CNTN5: variants seen among roughly 807,000 people sequenced by gnomAD.
CNTN5 encodes the protein contactin-5.
In CNTN5, 77 loss-of-function variants were observed where a neutral mutation model predicts 129.1. The observed-to-expected ratio is 0.60, with a 90% CI of 0.50 to 0.72. The LOEUF (loss-of-function observed/expected upper bound fraction) is 0.72, where lower values mean the gene tolerates loss of function less well. CNTN5 is among the 30% of genes least tolerant of loss of function. CNTN5 has a pLI of 0.00. For synonymous variants in CNTN5, 509 were observed against 465.6 expected, an observed-to-expected ratio of 1.09 and a Z score of -1.20; for missense variants, 1,478 against 1,328.8, an observed-to-expected ratio of 1.11 and a Z score of -1.75.
At chr11:99,513,471 A>C (rs1027018832) in intron 2 of CNTN5, among the ~76,000 whole-genome samples, 1 of 152,142 alleles carries the variant, frequency 6.6e-6, no homozygotes, top group Non-Finnish European at 1.5e-5. Flanking sequence ...TAGGACTTTC[A>C]TAGCTAGAGA....
chr11:99,963,478 C>A (rs552076147), intron 8 of CNTN5, among the ~76,000 whole-genome samples: 3 of 151,974 alleles, frequency 2.0e-5, no homozygotes, highest in Non-Finnish European at 4.4e-5. Context: ...AGATATGCAG[C>A]ATTATTTCTG....
Position 99,836,505 on chromosome 11 carries a change from G to A in CNTN5, c.278-8347G>A, listed in dbSNP as rs540458880. Among the ~76,000 whole-genome samples, 7 of 152,194 alleles carry A rather than the reference G, an allele frequency of 4.6e-5. No individual in the cohort carries two copies. The South Asian group carries it at 1.2e-3, about 27-fold the overall frequency. Reference sequence around the variant, plus strand: ...TTTTATGGCTGCACAGTATTCCATGGTGTATATGTGCCACATTTTCTTAAT... The same window carrying A: ...TTTTATGGCTGCACAGTATTCCATGATGTATATGTGCCACATTTTCTTAAT... On this transcript the variant is annotated intron_variant, in intron 4 of 24. Transcript: ENST00000524871.
At chr11:100,026,428 T>TTATA (rs1195432812) in intron 9 of CNTN5, among the ~76,000 whole-genome samples, 5 of 152,144 alleles carry the variant, frequency 3.3e-5, no homozygotes, top group Admixed American at 2.0e-4. Flanking sequence ...GATTGTATGG[T>TTATA]TATAGTATGT....
chr11:99,167,184 C>T (rs1022194473), intron 1 of CNTN5, among the ~76,000 whole-genome samples: 1 of 151,780 alleles, frequency 6.6e-6, no homozygotes, highest in Admixed American at 6.6e-5. Context: ...TTATCTCAAT[C>T]TTAACATTCG....
At chr11:100,097,694 C>A (rs1945056974) in intron 13 of CNTN5, among the ~76,000 whole-genome samples, 2 of 152,042 alleles carry the variant, frequency 1.3e-5, no homozygotes, top group Admixed American at 1.3e-4. Context: ...ATTTGGGAAT[C>A]ATTTCAAAAT....
intron 1 of CNTN5, among the ~76,000 whole-genome samples, chr11:99,196,441 C>G (rs1225760854): frequency 1.3e-5 from 2 of 151,824 alleles, no homozygotes; most frequent in African/African-American, 2.4e-5. Flanking sequence ...TTTTTCTCCT[C>G]ACATTTTTGT....
chr11:99,813,820 A>G (rs778024091), intron 3 of CNTN5, among the ~76,000 whole-genome samples: 1 of 152,192 alleles, frequency 6.6e-6, no homozygotes, highest in African/African-American at 2.4e-5. Context: ...AATAGGTTTA[A>G]TGTAGCAAAA....
chr11:99,743,610 G>A (rs1943953417), intron 3 of CNTN5, among the ~76,000 whole-genome samples: 1 of 152,136 alleles, frequency 6.6e-6, no homozygotes, highest in Admixed American at 6.5e-5. Flanking sequence ...ATACATAGCA[G>A]AGTCCATGAA....
At chr11:100,196,891 C>A (rs139453744) in intron 15 of CNTN5, among the ~76,000 whole-genome samples, 1 of 152,084 alleles carries the variant, frequency 6.6e-6, no homozygotes, top group East Asian at 1.9e-4. Context: ...TTTAGTTCTA[C>A]AAGCTAAATG....
intron 2 of CNTN5, among the ~76,000 whole-genome samples, chr11:99,550,865 A>G (rs1272576524): frequency 1.3e-5 from 2 of 152,166 alleles, no homozygotes; most frequent in Non-Finnish European, 2.9e-5. Flanking sequence ...TAAGTTGTCC[A>G]TGTTATTGTA....
chr11:100,243,555 G>A (rs574655115), intron 16 of CNTN5, among the ~76,000 whole-genome samples: 1 of 152,212 alleles, frequency 6.6e-6, no homozygotes, highest in Non-Finnish European at 1.5e-5. Flanking sequence ...TTTAATTTGT[G>A]TGGTCACCAG....
Position 99,845,140 on chromosome 11 carries a change from T to C in CNTN5, c.455T>C (p.Leu152Ser), listed in dbSNP as rs1209131859. 1.9e-6 allele frequency: 3 copies of C among 1,613,698 alleles called. No individual in the cohort carries two copies. In the African/African-American group the frequency reaches 4.0e-5, roughly 22 times the overall value. The change falls in exon 6 of 25, where the codon TTG becomes TCG. Residue 152 changes from leucine (L) to serine (S), a missense_variant. Leu to Ser is a moderately radical substitution (Grantham distance 145). Coordinates refer to ENST00000524871, the MANE Select transcript of CNTN5 (RefSeq NM_014361.4). ...CTGGAAAGTGATTATCGCTACAGTT[T>C]GATAGATGGCACCTTCATTATAAGC... ...IDLESDYRYS[L>S]IDGTFIISNP...
chr11:99,274,798 A>C (rs1863349019), intron 1 of CNTN5, among the ~76,000 whole-genome samples: 1 of 151,526 alleles, frequency 6.6e-6, no homozygotes, highest in African/African-American at 2.4e-5. Context: ...TAGTAAATGG[A>C]GAAAATACTG....
At chr11:99,851,577 A>G (rs746091138) in intron 6 of CNTN5, among the ~76,000 whole-genome samples, 1 of 152,222 alleles carries the variant, frequency 6.6e-6, no homozygotes, top group Non-Finnish European at 1.5e-5. Flanking sequence ...AAAGTCAAAC[A>G]TATAATGAAT....
At chr11:99,471,968 C>A (rs1040539714) in intron 2 of CNTN5, among the ~76,000 whole-genome samples, 1 of 151,956 alleles carries the variant, frequency 6.6e-6, no homozygotes, top group East Asian at 1.9e-4. Flanking sequence ...TCACAGGGAC[C>A]AAGATACATA....
intron 7 of CNTN5, among the ~76,000 whole-genome samples, chr11:99,919,122 T>A (rs981455129): frequency 6.6e-6 from 1 of 152,200 alleles, no homozygotes; most frequent in Non-Finnish European, 1.5e-5. Context: ...AGCATTCTTC[T>A]GCAGAAGCAA....
intron 21 of CNTN5, among the ~76,000 whole-genome samples, chr11:100,317,383 T>C (rs1951591714): frequency 6.6e-6 from 1 of 152,062 alleles, no homozygotes; most frequent in Non-Finnish European, 1.5e-5. Context: ...CTAACAAAGG[T>C]TGTTTTATTT....
intron 3 of CNTN5, among the ~76,000 whole-genome samples, chr11:99,561,590 T>C (rs964465973): frequency 4.6e-5 from 7 of 152,120 alleles, no homozygotes; most frequent in Non-Finnish European, 1.0e-4. Context: ...TGGAGAAAAC[T>C]GGTAAACATT....
intron 1 of CNTN5, among the ~76,000 whole-genome samples, chr11:99,299,928 G>C (rs1864558055): frequency 6.6e-6 from 1 of 152,044 alleles, no homozygotes; most frequent in Non-Finnish European, 1.5e-5. Context: ...GGGATTACTT[G>C]ATCTAGTGAT....
Sources: gnomAD v4.1 joint callset for allele counts (sites outside exome capture counted in the v4.1 genomes callset) on GRCh38, gnomAD v4.1.1 for gene constraint, MANE v1.5 for transcripts, NCBI Gene and HGNC (gene_info 2026-07-23, HGNC 2026-07-21) for gene names.